The following MAD1L1 variants were observed in gnomAD, a reference collection of about 807,000 sequenced individuals.
MAD1L1 encodes the protein mitotic spindle assembly checkpoint protein MAD1.
A neutral mutation model predicts 96.9 loss-of-function variants in MAD1L1; 95 were observed. The observed-to-expected ratio is 0.98, with a 90% CI of 0.83 to 1.16. The LOEUF (loss-of-function observed/expected upper bound fraction) is 1.16. Ranked by LOEUF, MAD1L1 falls within the 50% of genes most tolerant of loss-of-function variation. MAD1L1 has a pLI of 0.00. For missense variants in MAD1L1, 1,007 were observed against 954.4 expected, an observed-to-expected ratio of 1.06 and a Z score of -0.73; for synonymous variants, 473 against 396.6, an observed-to-expected ratio of 1.19 and a Z score of -2.29.
chr7:1,943,581 G>A (rs3996333), intron 16 of MAD1L1, among the ~76,000 whole-genome samples: 130,125 of 152,110 alleles, frequency 0.86, 57,141 homozygotes, highest in Non-Finnish European at 0.96. Context: ...ATCACTTTGC[G>A]CCCCCAGGAC....
chr7:2,055,248 A>G (rs1193609634), intron 12 of MAD1L1, among the ~76,000 whole-genome samples: 6 of 152,174 alleles, frequency 3.9e-5, no homozygotes, highest in African/African-American at 1.2e-4. Flanking sequence ...GGAGGCAGAC[A>G]GTGAGGACAG....
At position 1,898,371 on chromosome 7, in the gene MAD1L1, C is replaced by G. The variant is rs1787025768; in HGVS notation, c.1827G>C (p.Glu609Asp). The G allele has an allele frequency of 1.2e-6, 2 of 1,613,826 alleles. No individual in the cohort carries two copies. The highest frequency in any genetic ancestry group is 2.7e-5 in the African/African-American group (2 of 74,942). Residue 609 changes from glutamate to aspartate, a missense_variant, in exon 18 of 19, where the codon GAG becomes GAC. Glu to Asp is a conservative substitution (Grantham distance 45, BLOSUM62 2). Transcript: ENST00000265854. ...GCCGCTGGTTCTTCAGCTCGGCACT[C>G]TCCACCTGCTTCTTCAGCTCTGCGG... The part of the protein sequence containing the change: ...KEVAELKKQV[E>D]SAELKNQRLK...
intron 11 of MAD1L1, chr7:2,089,154 G>A (rs1200999774): frequency 1.3e-5 from 2 of 152,272 alleles, no homozygotes; most frequent in African/African-American, 2.4e-5. Flanking sequence ...AGGCAGCCAC[G>A]GAGACACAGC....
At chr7:1,891,441 G>A (rs534488981) in intron 18 of MAD1L1, among the ~76,000 whole-genome samples, 16 of 152,110 alleles carry the variant, frequency 1.1e-4, no homozygotes, top group Non-Finnish European at 2.1e-4. Context: ...GAGGAGAATC[G>A]CTTGAACCAG....
intron 18 of MAD1L1, among the ~76,000 whole-genome samples, chr7:1,873,186 G>A (rs1785198193): frequency 6.6e-6 from 1 of 152,232 alleles, no homozygotes; most frequent in African/African-American, 2.4e-5. Context: ...CATAAGGGGG[G>A]CCTTGACCCC....
chr7:1,974,771 C>T (rs1037286258), intron 15 of MAD1L1, among the ~76,000 whole-genome samples: 53 of 152,246 alleles, frequency 3.5e-4, no homozygotes, highest in Non-Finnish European at 2.4e-4. Flanking sequence ...GCGTGAGACG[C>T]CAGAAGGAAA....
intron 11 of MAD1L1, among the ~76,000 whole-genome samples, chr7:2,098,112 T>A (rs1786589060): frequency 6.6e-6 from 1 of 152,106 alleles, no homozygotes; most frequent in Admixed American, 6.5e-5. Flanking sequence ...GACAGATCAG[T>A]GAGGACGCCC....
chr7:1,923,147 T>A (rs1005364143), intron 17 of MAD1L1, among the ~76,000 whole-genome samples: 1 of 152,236 alleles, frequency 6.6e-6, no homozygotes, highest in African/African-American at 2.4e-5. Flanking sequence ...CCTGGAGATA[T>A]CCTTTTTTGG....
intron 11 of MAD1L1, among the ~76,000 whole-genome samples, chr7:2,112,597 T>G (rs902355847): frequency 3.9e-5 from 6 of 152,224 alleles, no homozygotes; most frequent in African/African-American, 1.4e-4. Flanking sequence ...TGGTGTGTGC[T>G]GACACCTGGG....
chr7:2,123,144 A>C (rs1411412435), intron 11 of MAD1L1, among the ~76,000 whole-genome samples: 1 of 152,058 alleles, frequency 6.6e-6, no homozygotes, highest in Non-Finnish European at 1.5e-5. Context: ...TCTACTAAAA[A>C]TACAACAAAT....
At chr7:1,891,671 C>T (rs1382524601) in intron 18 of MAD1L1, among the ~76,000 whole-genome samples, 1 of 152,160 alleles carries the variant, frequency 6.6e-6, no homozygotes. Flanking sequence ...CCTCTAACTC[C>T]TGGGGCTCAA....
At chr7:1,863,781 G>GC (rs58436370) in intron 18 of MAD1L1, among the ~76,000 whole-genome samples, 2,101 of 152,210 alleles carry the variant, frequency 0.014, 52 homozygotes, top group African/African-American at 0.048. Context: ...GCACCCGGGG[G>GC]CCCAAGGATA....
In MAD1L1 at chr7:1,816,094, G is replaced by A. The variant is rs1221016485; in HGVS notation, c.2133C>T (p.Leu711=). Residue 711 remains leucine, a synonymous_variant, in exon 19 of 19, where the codon CTC becomes CTT. Transcript: ENST00000265854. ...GCTACGCCACGGTCTGGCGGCTGAAGAGCTCGAGGGTGAGCGAGCTGAGGA... is the reference window on the plus strand; with the variant it reads ...GCTACGCCACGGTCTGGCGGCTGAAAAGCTCGAGGGTGAGCGAGCTGAGGA... ...PAFLSSLTLE[L]FSRQTVA 4 of 1,611,676 alleles carry A rather than the reference G, an allele frequency of 2.5e-6. No individual in the cohort carries two copies. The African/African-American group carries it at 4.0e-5, about 16-fold the overall frequency.
chr7:2,062,361 G>A (rs1286474998), intron 12 of MAD1L1, among the ~76,000 whole-genome samples: 1 of 151,912 alleles, frequency 6.6e-6, no homozygotes. Context: ...GGGATCACGA[G>A]GTCAGGAGTT....
chr7:2,203,431 A>G (rs1231353805), intron 10 of MAD1L1, among the ~76,000 whole-genome samples: 3 of 152,238 alleles, frequency 2.0e-5, no homozygotes, highest in South Asian at 4.1e-4. Context: ...AGCGCACAGC[A>G]CTCATGCTTT....
intron 7 of MAD1L1, 27 bp from the exon 8 acceptor site, chr7:2,216,314 A>AG: frequency 1.9e-6 from 3 of 1,605,402 alleles, no homozygotes; most frequent in Non-Finnish European, 1.7e-6. Context: ...ACAGAGAAGA[A>AG]GGGAAAAATG....
intron 11 of MAD1L1, among the ~76,000 whole-genome samples, chr7:2,144,812 T>C (rs1212824300): frequency 6.6e-6 from 1 of 151,974 alleles, no homozygotes; most frequent in Non-Finnish European, 1.5e-5. Flanking sequence ...GGAGGTCCAT[T>C]CTCAGATTCT....
intron 18 of MAD1L1, among the ~76,000 whole-genome samples, chr7:1,896,533 T>A (rs1786881665): frequency 1.3e-5 from 2 of 152,174 alleles, no homozygotes; most frequent in Non-Finnish European, 2.9e-5. Flanking sequence ...GCACACACAA[T>A]GGAACCCCAG....
intron 10 of MAD1L1, among the ~76,000 whole-genome samples, chr7:2,161,329 G>C (rs191054310): frequency 1.3e-5 from 2 of 151,952 alleles, no homozygotes; most frequent in Non-Finnish European, 2.9e-5. Context: ...GCTGGTCTCA[G>C]CTCCTGACCG....
Sources: gnomAD v4.1 joint callset for allele counts (sites outside exome capture counted in the v4.1 genomes callset) on GRCh38, gnomAD v4.1.1 for gene constraint, MANE v1.5 for transcripts, NCBI Gene and HGNC (gene_info 2026-07-23, HGNC 2026-07-21) for gene names.